Variants in FSTL4 observed in about 807,000 individuals in gnomAD.
FSTL4 encodes the protein follistatin like 4, also known as follistatin-related protein 4.
FSTL4 carries 28 observed loss-of-function variants against 78.2 expected under a neutral mutation model. The ratio of observed to expected loss-of-function variants is 0.36; its 90% CI spans 0.27 to 0.49. FSTL4 has a LOEUF of 0.49. Ranked by LOEUF, FSTL4 falls within the 20% of genes least tolerant of loss-of-function variation. The pLI, the probability that FSTL4 is intolerant of heterozygous loss-of-function variation, is 0.98. For missense variants in FSTL4, 922 were observed against 1,084.9 expected (o/e 0.85, Z 2.11); for synonymous variants, 422 against 440.5 (o/e 0.96, Z 0.53).
rs187357480 is a variant in FSTL4, at chr5:133,273,935, T to C, written c.728-24359A>G. Among the ~76,000 whole-genome samples the C allele has an allele frequency of 2.4e-3, 359 of 152,332 alleles. 1 individual carries two copies. Among genetic ancestry groups the C allele is most frequent in the African/African-American group, 8.0e-3 (331 of 41,570 alleles). On this transcript the variant is annotated intron_variant, in intron 6 of 15. Transcript: ENST00000265342. ...TCCAGCAGGAGACTAGCCTGATTAC[T>C]GAGCTCAGAGAGTCAGCTTGGTCCT...
intron 4 of FSTL4, among the ~76,000 whole-genome samples, chr5:133,397,345 C>T (rs1352938132): frequency 6.6e-6 from 1 of 152,162 alleles, no homozygotes; most frequent in Non-Finnish European, 1.5e-5. Flanking sequence ...TACATCTTTC[C>T]CACACCTCCT....
intron 2 of FSTL4, among the ~76,000 whole-genome samples, chr5:133,573,869 G>A (rs866921479): frequency 2.6e-5 from 4 of 152,258 alleles, no homozygotes; most frequent in Admixed American, 6.5e-5. Flanking sequence ...AATGTTGGAC[G>A]TATCTTAGAA....
intron 6 of FSTL4, among the ~76,000 whole-genome samples, chr5:133,302,429 G>C (rs1410939922): frequency 2.6e-5 from 4 of 152,188 alleles, no homozygotes; most frequent in Admixed American, 2.6e-4. Flanking sequence ...AATCAGATAA[G>C]ACTTGGGTAC....
intron 6 of FSTL4, among the ~76,000 whole-genome samples, chr5:133,300,899 C>T (rs1753523002): frequency 6.6e-6 from 1 of 152,026 alleles, no homozygotes; most frequent in Non-Finnish European, 1.5e-5. Flanking sequence ...TGCTCGGGCC[C>T]CGCTTTCTCT....
At chr5:133,581,687 T>G (rs920370197) in intron 2 of FSTL4, among the ~76,000 whole-genome samples, 11 of 152,232 alleles carry the variant, frequency 7.2e-5, no homozygotes, top group Non-Finnish European at 1.5e-4. Flanking sequence ...AACCCAGCAG[T>G]TCTCAAATGG....
intron 3 of FSTL4, among the ~76,000 whole-genome samples, chr5:133,563,951 T>C (rs1052286498): frequency 6.6e-6 from 1 of 152,116 alleles, no homozygotes; most frequent in African/African-American, 2.4e-5. Flanking sequence ...AACCACAAAC[T>C]AAGTGACTTA....
intron 6 of FSTL4, 156 bp downstream of exon 6, chr5:133,312,498 A>T: frequency 1.5e-6 from 1 of 661,610 alleles, no homozygotes; most frequent in Non-Finnish European, 2.7e-6. Flanking sequence ...GTCTTTTCTT[A>T]AAGCTCAGGC....
At chr5:133,450,089 G>A (rs932305510) in intron 3 of FSTL4, among the ~76,000 whole-genome samples, 1 of 152,180 alleles carries the variant, frequency 6.6e-6, no homozygotes, top group Non-Finnish European at 1.5e-5. Context: ...AGCTGGCTTT[G>A]AAAGAATTCT....
intron 6 of FSTL4, among the ~76,000 whole-genome samples, chr5:133,279,629 G>A (rs980643698): frequency 1.3e-5 from 2 of 152,186 alleles, no homozygotes; most frequent in African/African-American, 2.4e-5. Context: ...TGGTCAGGTG[G>A]GGTGGAGGGG....
chr5:133,543,011 C>G (rs1165467450), intron 3 of FSTL4, among the ~76,000 whole-genome samples: 1 of 151,114 alleles, frequency 6.6e-6, no homozygotes. Context: ...CTCTGCTACT[C>G]TTTTCCTAAC....
At chr5:133,373,156 T>C (rs1245727171) in intron 4 of FSTL4, among the ~76,000 whole-genome samples, 1 of 152,186 alleles carries the variant, frequency 6.6e-6, no homozygotes, top group African/African-American at 2.4e-5. Flanking sequence ...ATTTTCATAG[T>C]TGTCTAAATC....
At chr5:133,652,606 T>C in the FSTL4 span, among the ~76,000 whole-genome samples, 7 of 152,206 alleles carry the variant, frequency 4.6e-5, no homozygotes, top group East Asian at 1.9e-4. Flanking sequence ...TTTAATTCCA[T>C]TGTGGTCTGA....
chr5:133,595,179 AG>A (rs1760714266), intron 2 of FSTL4, among the ~76,000 whole-genome samples: 1 of 152,218 alleles, frequency 6.6e-6, no homozygotes, highest in Non-Finnish European at 1.5e-5. Context: ...CATTCTAGGA[AG>A]GGGATGGCAA....
chr5:133,406,845 T>A (rs957803499), intron 3 of FSTL4, among the ~76,000 whole-genome samples: 1 of 152,230 alleles, frequency 6.6e-6, no homozygotes, highest in Non-Finnish European at 1.5e-5. Context: ...GTGGCATGAA[T>A]ATATGCCCAT....
At chr5:133,550,622 T>C (rs990961000) in intron 3 of FSTL4, among the ~76,000 whole-genome samples, 3 of 152,210 alleles carry the variant, frequency 2.0e-5, no homozygotes, top group African/African-American at 7.2e-5. Flanking sequence ...GATAGAACTA[T>C]CACCACTATT....
intron 3 of FSTL4, among the ~76,000 whole-genome samples, chr5:133,500,945 TG>T: frequency 7.3e-6 from 1 of 137,470 alleles, no homozygotes; most frequent in East Asian, 2.0e-4. Context: ...GTTTGCTTCA[TG>T]AAAAAAAAAA....
At chr5:133,270,564 C>T (rs549549608) in intron 6 of FSTL4, among the ~76,000 whole-genome samples, 6 of 152,124 alleles carry the variant, frequency 3.9e-5, no homozygotes, top group African/African-American at 9.7e-5. Flanking sequence ...GGGGGCAGTC[C>T]GCCTCCTCTG....
At chr5:133,438,216 T>G (rs924637761) in intron 3 of FSTL4, among the ~76,000 whole-genome samples, 3 of 152,220 alleles carry the variant, frequency 2.0e-5, no homozygotes, top group Admixed American at 6.5e-5. Context: ...ATGAACAACA[T>G]CTAGGCAGAG....
chr5:133,499,929 T>G (rs535145571), intron 3 of FSTL4, among the ~76,000 whole-genome samples: 52 of 152,194 alleles, frequency 3.4e-4, no homozygotes, highest in Non-Finnish European at 1.5e-5. Context: ...CTGAGCACTC[T>G]CATCTTTACC....
Sources: allele counts gnomAD v4.1 joint callset (sites outside exome capture counted in the v4.1 genomes callset), GRCh38; gene constraint gnomAD v4.1.1; transcripts MANE v1.5; gene names NCBI Gene and HGNC (gene_info 2026-07-23, HGNC 2026-07-21).